The following STPG2 variants were observed in gnomAD, a reference collection of about 807,000 sequenced individuals.
STPG2 encodes sperm tail PG-rich repeat containing 2, also known as sperm-tail PG-rich repeat-containing protein 2.
STPG2 carries 56 observed loss-of-function variants against 54.2 expected under a neutral mutation model. The ratio of observed to expected loss-of-function variants is 1.03; its 90% CI spans 0.83 to 1.29. The LOEUF (loss-of-function observed/expected upper bound fraction) is 1.29, where lower values mean the gene tolerates loss of function less well. STPG2 is among the 50% of genes most tolerant of loss of function. The pLI is 0.00. For synonymous variants in STPG2, 200 were observed against 181.8 expected (o/e 1.10, Z -0.81); for missense variants, 596 against 544.9 (o/e 1.09, Z -0.93).
At chr4:97,925,484 T>A (rs1238327041) in intron 8 of STPG2, among the ~76,000 whole-genome samples, 1 of 152,230 alleles carries the variant, frequency 6.6e-6, no homozygotes, top group Admixed American at 6.5e-5. Context: ...ATCATTTATC[T>A]AAAATCCTTT....
At chr4:98,101,458 G>A (rs1739034521) in intron 5 of STPG2, among the ~76,000 whole-genome samples, 1 of 152,060 alleles carries the variant, frequency 6.6e-6, no homozygotes, top group South Asian at 2.1e-4. Context: ...TAAGTGCTAA[G>A]CTGAGAGGTG....
intron 8 of STPG2, among the ~76,000 whole-genome samples, chr4:97,925,207 G>A (rs757162520): frequency 6.6e-6 from 1 of 152,132 alleles, no homozygotes; most frequent in Non-Finnish European, 1.5e-5. Context: ...AACCAGACAG[G>A]CAATAGCACT....
At chr4:97,740,560 C>T (rs1449222018) in intron 9 of STPG2, among the ~76,000 whole-genome samples, 5 of 152,084 alleles carry the variant, frequency 3.3e-5, no homozygotes, top group Non-Finnish European at 7.4e-5. Context: ...CATTCTTATA[C>T]ACCAATAACA....
At chr4:97,875,967 C>T (rs979262167) in intron 8 of STPG2, among the ~76,000 whole-genome samples, 1 of 151,788 alleles carries the variant, frequency 6.6e-6, no homozygotes, top group Non-Finnish European at 1.5e-5. Context: ...GAGAAACAAC[C>T]TTATATGCAA....
intron 5 of STPG2, among the ~76,000 whole-genome samples, chr4:97,991,622 T>C (rs1421975302): frequency 2.6e-5 from 4 of 152,064 alleles, no homozygotes; most frequent in Non-Finnish European, 5.9e-5. Flanking sequence ...AGATACCCAG[T>C]AGTGGGATTG....
At chr4:97,812,033 TAA>T (rs939833267) in intron 9 of STPG2, among the ~76,000 whole-genome samples, 1 of 152,068 alleles carries the variant, frequency 6.6e-6, no homozygotes, top group Non-Finnish European at 1.5e-5. Context: ...CTGACAAATA[TAA>T]GTTAGTAAAT....
chr4:97,693,574 C>A (rs1723450711), intron 10 of STPG2, among the ~76,000 whole-genome samples: 2 of 152,066 alleles, frequency 1.3e-5, no homozygotes, highest in Admixed American at 1.3e-4. Flanking sequence ...GACGGCAATA[C>A]AATAATACTG....
At chr4:98,107,667 G>C (rs1316582790) in intron 4 of STPG2, among the ~76,000 whole-genome samples, 2 of 152,024 alleles carry the variant, frequency 1.3e-5, no homozygotes, top group African/African-American at 4.8e-5. Flanking sequence ...CAGAAGTATA[G>C]TGAAATGGAA....
chr4:97,836,595 A>G (rs1320370982), intron 9 of STPG2, among the ~76,000 whole-genome samples: 1 of 151,814 alleles, frequency 6.6e-6, no homozygotes, highest in Non-Finnish European at 1.5e-5. Flanking sequence ...TTAATTTCTC[A>G]GTGAAGCCTT....
chr4:97,824,633 A>T (rs1032902366), intron 9 of STPG2, among the ~76,000 whole-genome samples: 4 of 152,110 alleles, frequency 2.6e-5, no homozygotes, highest in African/African-American at 9.7e-5. Flanking sequence ...ACGTGGCACT[A>T]CTTTCTCTTG....
At chr4:98,132,948 T>TAAAAAAAA (rs200375140) in intron 2 of STPG2, among the ~76,000 whole-genome samples, 1 of 101,580 alleles carries the variant, frequency 9.8e-6, no homozygotes, top group Non-Finnish European at 2.1e-5. Flanking sequence ...TGAAATGAAC[T>TAAAAAAAA]AAAAAAAAAA....
At chr4:98,136,146 T>C (rs1740128903) in intron 1 of STPG2, among the ~76,000 whole-genome samples, 1 of 151,532 alleles carries the variant, frequency 6.6e-6, no homozygotes. Flanking sequence ...AAAGGGAAGA[T>C]ATAAAAAAGA....
At chr4:97,546,771 TTAAG>T (rs1181383085) in intron 4 of STPG2, among the ~76,000 whole-genome samples, 1 of 152,176 alleles carries the variant, frequency 6.6e-6, no homozygotes, top group Non-Finnish European at 1.5e-5. Context: ...TAATCACTAA[TTAAG>T]TAATACATAC....
At chr4:97,604,608 C>A (rs1031250674) in intron 10 of STPG2, among the ~76,000 whole-genome samples, 1 of 151,710 alleles carries the variant, frequency 6.6e-6, no homozygotes, top group African/African-American at 2.4e-5. Flanking sequence ...AGAGCCCAAT[C>A]TTTACCGGTT....
At chr4:97,742,582 A>G (rs1725293893) in intron 9 of STPG2, among the ~76,000 whole-genome samples, 1 of 143,556 alleles carries the variant, frequency 7.0e-6, no homozygotes, top group Admixed American at 7.2e-5. Flanking sequence ...TATATATGGA[A>G]TACTATCAGG....
intron 9 of STPG2, among the ~76,000 whole-genome samples, chr4:97,814,410 C>A (rs1478084655): frequency 6.6e-6 from 1 of 152,108 alleles, no homozygotes; most frequent in African/African-American, 2.4e-5. Context: ...CTCACTACAA[C>A]CTCTGCTTCC....
intron 10 of STPG2, among the ~76,000 whole-genome samples, chr4:97,613,421 G>C (rs1313025007): frequency 6.6e-6 from 1 of 151,558 alleles, no homozygotes; most frequent in Admixed American, 6.6e-5. Flanking sequence ...CACTGTATAA[G>C]AAAGTACATG....
At chr4:97,955,164 A>G (rs1186990836) in intron 7 of STPG2, among the ~76,000 whole-genome samples, 1 of 152,162 alleles carries the variant, frequency 6.6e-6, no homozygotes, top group African/African-American at 2.4e-5. Context: ...ACTCAGTAGG[A>G]AATATCTAAA....
Position 97,616,079 on chromosome 4 carries a change from T to C in STPG2, c.1321-56962A>G, listed in dbSNP as rs1376941599. Among the ~76,000 whole-genome samples, 184 of 82,506 alleles carry C rather than the reference T, an allele frequency of 2.2e-3. 12 individuals are homozygous for C. Among genetic ancestry groups the C allele is most frequent in the African/African-American group, 6.4e-3 (181 of 28,434 alleles). 54.1% of individuals were successfully genotyped at this position (82,506 alleles called of 152,430 possible). The stretch of plus-strand genomic sequence containing the variant: ...ATAAATATATATATATATATATATA[T>C]ATATATATATATATATGTATGTATA... On this transcript the variant is annotated intron_variant, in intron 10 of 10. Coordinates refer to ENST00000295268, the MANE Select transcript of STPG2 (RefSeq NM_174952.3).
Sources: allele counts gnomAD v4.1 joint callset (sites outside exome capture counted in the v4.1 genomes callset), GRCh38; gene constraint gnomAD v4.1.1; transcripts MANE v1.5; gene names NCBI Gene and HGNC (gene_info 2026-07-23, HGNC 2026-07-21).